Variants in RASSF8 observed in about 807,000 individuals in gnomAD.
RASSF8 encodes ras association domain-containing protein 8.
Under a neutral mutation model 48.5 loss-of-function variants are expected in RASSF8, and 22 were observed. The observed-to-expected ratio is 0.45, with a 90% CI of 0.32 to 0.65. RASSF8 has a LOEUF of 0.65. Ranked by LOEUF, RASSF8 falls within the 30% of genes least tolerant of loss-of-function variation. The pLI is 0.03. For missense variants in RASSF8, 418 were observed against 489.2 expected, an observed-to-expected ratio of 0.85 and a Z score of 1.37; for synonymous variants, 127 against 171.5, an observed-to-expected ratio of 0.74 and a Z score of 2.03.
At chr12:25,970,097 CTTTTT>C (rs1035793774) in intron 1 of RASSF8, among the ~76,000 whole-genome samples, 2 of 142,862 alleles carry the variant, frequency 1.4e-5, no homozygotes, top group Admixed American at 1.4e-4. Flanking sequence ...TACGACCCCA[CTTTTT>C]TTTTTTTTTG....
chr12:26,034,025 C>T (rs1038836113), intron 2 of RASSF8, among the ~76,000 whole-genome samples: 1 of 152,026 alleles, frequency 6.6e-6, no homozygotes, highest in African/African-American at 2.4e-5. Flanking sequence ...GACCAGACCC[C>T]AGCAAGCTAG....
intron 2 of RASSF8, among the ~76,000 whole-genome samples, chr12:26,033,123 A>G (rs1017871359): frequency 8.5e-5 from 13 of 152,174 alleles, no homozygotes; most frequent in African/African-American, 3.1e-4. Context: ...GGATGGTTTA[A>G]ATGTTGCTAA....
chr12:26,004,447 C>G (rs980860752), intron 2 of RASSF8, among the ~76,000 whole-genome samples: 2 of 152,122 alleles, frequency 1.3e-5, no homozygotes, highest in East Asian at 1.9e-4. Flanking sequence ...GTGCCAGCCT[C>G]TTGTGGAGTC....
chr12:26,008,792 G>C (rs969668422), intron 2 of RASSF8, among the ~76,000 whole-genome samples: 1 of 152,012 alleles, frequency 6.6e-6, no homozygotes. Flanking sequence ...TACTTGGAAG[G>C]TACTTTGGAG....
chr12:25,974,562 G>C (rs1474463921), intron 1 of RASSF8, among the ~76,000 whole-genome samples: 1 of 150,788 alleles, frequency 6.6e-6, no homozygotes, highest in African/African-American at 2.4e-5. Context: ...CTAAGCCCAA[G>C]TTAGTTCTAA....
chr12:26,026,276 A>G (rs1942910928), intron 2 of RASSF8, among the ~76,000 whole-genome samples: 1 of 152,224 alleles, frequency 6.6e-6, no homozygotes, highest in African/African-American at 2.4e-5. Context: ...AAAAAGACAA[A>G]TAGTCCCATT....
intron 1 of RASSF8, among the ~76,000 whole-genome samples, chr12:25,971,491 T>G (rs1002693269): frequency 2.0e-5 from 3 of 152,200 alleles, no homozygotes; most frequent in Admixed American, 1.3e-4. Context: ...ATGATCTCTC[T>G]TCTGTGTTCT....
chr12:26,029,071 A>G (rs1490234636), intron 2 of RASSF8, among the ~76,000 whole-genome samples: 1 of 152,220 alleles, frequency 6.6e-6, no homozygotes, highest in Non-Finnish European at 1.5e-5. Context: ...AACCTCTTCC[A>G]GTTTTCTCCA....
chr12:25,978,715 G>C (rs991334281), intron 1 of RASSF8, among the ~76,000 whole-genome samples: 1 of 151,860 alleles, frequency 6.6e-6, no homozygotes, highest in African/African-American at 2.4e-5. Context: ...GGGCACGATG[G>C]GATCAGATCA....
At chr12:25,973,282 A>T (rs1941526141) in intron 1 of RASSF8, among the ~76,000 whole-genome samples, 1 of 152,038 alleles carries the variant, frequency 6.6e-6, no homozygotes, top group Non-Finnish European at 1.5e-5. Flanking sequence ...GTTTGGCTAG[A>T]CTGTGGGACA....
intron 2 of RASSF8, among the ~76,000 whole-genome samples, chr12:26,041,028 C>T (rs1204694884): frequency 4.7e-5 from 7 of 149,700 alleles, no homozygotes; most frequent in Non-Finnish European, 8.9e-5. Context: ...ATTGGGACTA[C>T]GGGTGCCCGC....
intron 3 of RASSF8, among the ~76,000 whole-genome samples, chr12:26,061,655 C>T (rs11048396): frequency 0.11 from 16,495 of 151,964 alleles, 978 homozygotes; most frequent in Middle Eastern, 0.19. Context: ...TGGTCAAATA[C>T]GCTAAAAGGA....
intron 1 of RASSF8, among the ~76,000 whole-genome samples, chr12:25,986,294 A>G (rs1382591850): frequency 1.3e-5 from 2 of 152,206 alleles, no homozygotes; most frequent in Non-Finnish European, 2.9e-5. Flanking sequence ...TTTAAAAGAC[A>G]CACCAGGTGT....
intron 2 of RASSF8, among the ~76,000 whole-genome samples, chr12:26,014,188 T>A (rs1250632221): frequency 6.6e-6 from 1 of 152,208 alleles, no homozygotes; most frequent in Non-Finnish European, 1.5e-5. Context: ...TCAGCAAATG[T>A]GTTTTAACTA....
chr12:26,065,465 A>G lies in RASSF8; in HGVS notation c.993+78A>G, dbSNP rs1943852578. ...TTGGAATCTCCTTTTCATCATTGTC[A>G]ATTTTTCCTTATATTCAAAGAATTA... is the stretch of plus-strand genomic sequence containing the variant. On this transcript the variant is annotated intron_variant, in intron 4 of 5. Transcript: ENST00000689635. 2.0e-6 allele frequency: 3 copies of G among 1,472,534 alleles called. No homozygotes were observed. The South Asian group carries it at 4.4e-5, about 22-fold the overall frequency. 91.2% of individuals were successfully genotyped at this position (1,472,534 alleles called of 1,614,324 possible).
chr12:26,032,020 T>G (rs1444142043), intron 2 of RASSF8, among the ~76,000 whole-genome samples: 1 of 152,190 alleles, frequency 6.6e-6, no homozygotes, highest in African/African-American at 2.4e-5. Flanking sequence ...TGAAGGAAAC[T>G]TCCCATATCC....
chr12:25,970,876 T>C (rs540707619), intron 1 of RASSF8, among the ~76,000 whole-genome samples: 1 of 152,334 alleles, frequency 6.6e-6, no homozygotes, highest in South Asian at 2.1e-4. Flanking sequence ...AAGAAATGGT[T>C]CATCCTCTTT....
intron 2 of RASSF8, among the ~76,000 whole-genome samples, chr12:26,025,799 AAG>A (rs1180524968): frequency 6.6e-6 from 1 of 152,096 alleles, no homozygotes; most frequent in Non-Finnish European, 1.5e-5. Flanking sequence ...TAATATCAAA[AAG>A]AATAAAATGC....
chr12:26,010,239 C>G (rs1008312262), intron 2 of RASSF8, among the ~76,000 whole-genome samples: 2 of 151,966 alleles, frequency 1.3e-5, no homozygotes, highest in Non-Finnish European at 2.9e-5. Flanking sequence ...AGTTTTAAGT[C>G]GAAATTAAAT....
Sources: gnomAD v4.1 joint callset for allele counts (sites outside exome capture counted in the v4.1 genomes callset) on GRCh38, gnomAD v4.1.1 for gene constraint, MANE v1.5 for transcripts, NCBI Gene and HGNC (gene_info 2026-07-23, HGNC 2026-07-21) for gene names.